The following DZIP3 variants were observed in gnomAD, a reference collection of about 807,000 sequenced individuals.
DZIP3 encodes DAZ interacting zinc finger protein 3.
A neutral mutation model predicts 162.0 loss-of-function variants in DZIP3; 118 were observed. The observed-to-expected ratio is 0.73, with a 90% CI of 0.63 to 0.85. The LOEUF (loss-of-function observed/expected upper bound fraction) is 0.85, where lower values mean the gene tolerates loss of function less well. Among genes scored for constraint, DZIP3 ranks in the 40% least tolerant of loss-of-function variants. The probability of loss-of-function intolerance (pLI) is 0.00; values close to 1 mark genes in which losing one functional copy is unlikely to be tolerated. For missense variants in DZIP3, 1,331 were observed against 1,407.0 expected (o/e 0.95, Z 0.86); for synonymous variants, 438 against 458.6 (o/e 0.96, Z 0.57).
Position 108,624,484 on chromosome 3 carries a change from T to A in DZIP3, c.416T>A (p.Phe139Tyr). The A allele has an allele frequency of 6.3e-7, 1 of 1,598,126 alleles. No individual in the cohort carries two copies. Among genetic ancestry groups the A allele is most frequent in the Non-Finnish European group, 8.6e-7 (1 of 1,169,320 alleles). Residue 139 changes from phenylalanine (F) to tyrosine (Y), a missense_variant, in exon 6 of 33, where the codon TTT becomes TAT. Around this residue, in one of 2 missense-constraint regions of DZIP3, gnomAD observed 1,278 missense variants for 1,317.1 expected, o/e 0.97. Transcript: ENST00000361582. ...ATTGGTTATTATTTGACATTACTGT[T>A]TTTATATGGAGTAGCACTCACTGAA... ...INIGYYLTLL[F>Y]LYGVALTERG... is the part of the protein sequence containing the mutation.
chr3:108,601,794 A>C (rs1390275032), intron 1 of DZIP3, among the ~76,000 whole-genome samples: 7 of 152,206 alleles, frequency 4.6e-5, no homozygotes, highest in Non-Finnish European at 1.0e-4. Context: ...CTTCCTCAGG[A>C]AACGACCTTT....
intron 3 of DZIP3, among the ~76,000 whole-genome samples, chr3:108,608,941 A>G (rs147322385): frequency 6.6e-6 from 1 of 152,310 alleles, no homozygotes; most frequent in Admixed American, 6.5e-5. Flanking sequence ...ATGGCTGGGT[A>G]GTCCTCAAGA....
intron 8 of DZIP3, among the ~76,000 whole-genome samples, chr3:108,631,055 A>ACACACACTCTCTCTCTCTCTCT: frequency 9.4e-4 from 17 of 18,010 alleles, no homozygotes; most frequent in African/African-American, 1.1e-3. Context: ...ACACACACAC[A>ACACACACTCTCTCTCTCTCTCT]CTCTCTCTCT....
intron 32 of DZIP3, among the ~76,000 whole-genome samples, chr3:108,692,062 A>C (rs1436760803): frequency 6.6e-6 from 1 of 152,090 alleles, no homozygotes; most frequent in Non-Finnish European, 1.5e-5. Flanking sequence ...TCTTTTTTTC[A>C]GTTTAATTTG....
chr3:108,633,639 TGATA>T (rs1488476246), intron 9 of DZIP3, among the ~76,000 whole-genome samples: 1 of 150,132 alleles, frequency 6.7e-6, no homozygotes, highest in Non-Finnish European at 1.5e-5. Flanking sequence ...AGAGTACTTC[TGATA>T]GATCTCTCTC....
intron 25 of DZIP3, 27 bp downstream of exon 25, chr3:108,675,900 A>G (rs1576459284): frequency 6.3e-7 from 1 of 1,592,636 alleles, no homozygotes; most frequent in East Asian, 2.3e-5. Flanking sequence ...ATTTGGAGAA[A>G]ATTGGCTTAA....
intron 1 of DZIP3, among the ~76,000 whole-genome samples, chr3:108,593,672 CT>C (rs1939548451): frequency 4.6e-5 from 6 of 130,848 alleles, no homozygotes; most frequent in African/African-American, 1.7e-4. Flanking sequence ...ATTTGAATTT[CT>C]TTCTTTTTTT....
intron 11 of DZIP3, 21 bp downstream of exon 11, chr3:108,636,729 T>C (rs758669941): frequency 1.6e-3 from 2 of 1,228 alleles, no homozygotes; most frequent in Admixed American, 0.12. Flanking sequence ...TGTTTTGTCC[T>C]TTTTTTTTTT....
At chr3:108,683,354 A>C (rs1004684291) in intron 26 of DZIP3, among the ~76,000 whole-genome samples, 1 of 152,198 alleles carries the variant, frequency 6.6e-6, no homozygotes, top group Admixed American at 6.5e-5. Flanking sequence ...CTCAAATGCC[A>C]GTCCAGTCTA....
At chr3:108,621,037 G>A (rs190735779) in intron 5 of DZIP3, among the ~76,000 whole-genome samples, 2 of 152,128 alleles carry the variant, frequency 1.3e-5, no homozygotes, top group African/African-American at 4.8e-5. Flanking sequence ...TGGCCAGGAT[G>A]GTCTCGATGT....
intron 4 of DZIP3, among the ~76,000 whole-genome samples, chr3:108,615,275 C>T (rs73850566): frequency 6.6e-6 from 1 of 152,250 alleles, no homozygotes; most frequent in African/African-American, 2.4e-5. Context: ...TAGTTATTCT[C>T]ATTGGGAGAC....
At chr3:108,626,367 C>T (rs2107572067) in intron 7 of DZIP3, among the ~76,000 whole-genome samples, 1 of 152,108 alleles carries the variant, frequency 6.6e-6, no homozygotes, top group South Asian at 2.1e-4. Flanking sequence ...TTGCCTAGGA[C>T]ACAAAAATGC....
chr3:108,662,223 C>G lies in DZIP3; in HGVS notation c.2389C>G (p.Gln797Glu). 6.3e-7 allele frequency: 1 copy of G among 1,597,934 alleles called. No homozygotes were observed. Among genetic ancestry groups the G allele is most frequent in the African/African-American group, 1.4e-5 (1 of 73,812 alleles). Residue 797 changes from glutamine to glutamate, a missense_variant, in exon 21 of 33, where the codon CAA (glutamine) becomes GAA (glutamate). By Grantham distance (29) the Gln-to-Glu change is conservative. Transcript: ENST00000361582. ...KKDKIIASLN[Q>E]QVAFGINKVS... ...AGACAAAATTATCGCATCTCTTAAT[C>G]AACAAGTTGCTTTTGGAATCAATAA...
At chr3:108,667,947 CTG>C (rs918952600) in intron 21 of DZIP3, among the ~76,000 whole-genome samples, 1 of 152,216 alleles carries the variant, frequency 6.6e-6, no homozygotes, top group Non-Finnish European at 1.5e-5. Flanking sequence ...AATGACTACT[CTG>C]TGTTCTCATA....
At chr3:108,669,579 G>T in intron 21 of DZIP3, 102 bp from the exon 22 acceptor site, 1 of 991,922 alleles carries the variant, frequency 1.0e-6, no homozygotes, top group South Asian at 1.7e-5. Flanking sequence ...GGCCCCAAAT[G>T]GACATACTTT....
At chr3:108,655,317 A>C (rs2107254850) in intron 19 of DZIP3, among the ~76,000 whole-genome samples, 1 of 152,288 alleles carries the variant, frequency 6.6e-6, no homozygotes, top group East Asian at 1.9e-4. Context: ...CAGATGATAC[A>C]GTGTAATTAA....
intron 8 of DZIP3, among the ~76,000 whole-genome samples, chr3:108,631,674 T>G (rs1167455359): frequency 6.7e-6 from 1 of 149,586 alleles, no homozygotes; most frequent in African/African-American, 2.4e-5. Flanking sequence ...TCCTCCCACC[T>G]TGGCCTCCAA....
Position 108,634,983 on chromosome 3 carries a change from C to A in DZIP3, c.918+11C>A. 1.3e-6 allele frequency: 2 copies of A among 1,498,008 alleles called. No homozygotes were observed. The highest frequency in any genetic ancestry group is 1.2e-5 in the South Asian group (1 of 82,346). 92.8% of individuals were successfully genotyped at this position (1,498,008 alleles called of 1,614,324 possible). A position where few individuals can be genotyped will look rare whatever the true frequency, so the allele number is the denominator to read the frequency against. ...GGTGAAAATGATCAGGTATTATATT[C>A]GTTCTTAAAACTACAACAGCATTTC... On this transcript the variant is annotated intron_variant, in intron 10 of 32. Transcript: ENST00000361582.
chr3:108,618,654 C>A (rs945475443), intron 5 of DZIP3, among the ~76,000 whole-genome samples: 2 of 152,142 alleles, frequency 1.3e-5, no homozygotes, highest in Non-Finnish European at 2.9e-5. Flanking sequence ...ACGTCTATCT[C>A]CACTGAGATC....
Sources: gnomAD v4.1 joint callset for allele counts (sites outside exome capture counted in the v4.1 genomes callset) on GRCh38, gnomAD v4.1.1 for gene constraint, gnomAD v4.1.1 regional missense constraint, MANE v1.5 for transcripts, NCBI Gene and HGNC (gene_info 2026-07-23, HGNC 2026-07-21) for gene names.